Variants in TNPO2 observed in about 807,000 individuals in gnomAD.
TNPO2 encodes the protein transportin 2, also known as transportin-2.
TNPO2 carries 16 observed loss-of-function variants against 111.1 expected under a neutral mutation model. That is an observed-to-expected ratio of 0.14 (90% CI 0.10 to 0.22). The LOEUF is 0.22. Among genes scored for constraint, TNPO2 ranks in the 10% least tolerant of loss-of-function variants. The pLI is 1.00. For synonymous variants in TNPO2, 481 were observed against 475.8 expected (o/e 1.01, Z -0.14); for missense variants, 530 against 1,173.7 (o/e 0.45, Z 8.01).
In TNPO2 at chr19:12,711,902, C is replaced by A. The variant is rs143969751; in HGVS notation, c.891-289G>T. Among the ~76,000 whole-genome samples the A allele has an allele frequency of 3.4e-4, 51 of 151,314 alleles. No homozygotes were observed. The East Asian group carries it at 9.9e-3, about 29-fold the overall frequency. ...TTTTTCTTAAGAAGCAGGGTCTAAC[C>A]CTGTGGGCGGCAAGCCACCCAGGCA... On this transcript the variant is annotated intron_variant, in intron 10 of 25. Transcript: ENST00000425528.
At position 12,715,562 on chromosome 19, in the gene TNPO2, C is replaced by CA; in HGVS notation, c.433-25dup. ...CCCTGAGTGCAGAGGGGCAGAGAGA[C>CA]AAACGTGGGTGGTGGGTGGTGGTCC... On this transcript the variant is annotated intron_variant, in intron 6 of 25. Coordinates refer to ENST00000425528, the MANE Select transcript of TNPO2 (RefSeq NM_001382241.1). This position sits in a 1 kb window ranked among gnomAD's most constrained non-coding sequence, Gnocchi z 7.1. 1 of 1,613,748 alleles carries CA rather than the reference C, an allele frequency of 6.2e-7. No homozygotes were observed. Among genetic ancestry groups the CA allele is most frequent in the Non-Finnish European group, 8.5e-7 (1 of 1,179,684 alleles).
In TNPO2 at chr19:12,710,781, A is replaced by AG. The variant is rs1258380490; in HGVS notation, c.1118-9dup. On this transcript the variant is annotated splice_polypyrimidine_tract_variant and intron_variant, in intron 12 of 25. Transcript: ENST00000425528. ...CAGCCGCTGAGCACTTCCCTGGGGA[A>AG]GGGGGAACAATGGGGAGGCTCAGGG... The AG allele has an allele frequency of 1.2e-6, 2 of 1,604,076 alleles. No homozygotes were observed. The highest frequency in any genetic ancestry group is 3.4e-5 in the Admixed American group (2 of 58,778).
At chr19:12,710,550 G>A (rs575784902) in intron 13 of TNPO2, 71 bp downstream of exon 13, 5 of 1,539,950 alleles carry the variant, frequency 3.2e-6, no homozygotes, top group Non-Finnish European at 4.4e-6. Context: ...TGAGGCATTG[G>A]TGTGGCTAGT....
chr19:12,705,888 G>C lies in TNPO2; in HGVS notation c.1669-120C>G, dbSNP rs556856675. 1.0e-5 allele frequency: 8 copies of C among 779,822 alleles called. No homozygotes were observed. The East Asian group carries it at 1.6e-4, about 16-fold the overall frequency. 48.3% of individuals were successfully genotyped at this position (779,822 alleles called of 1,614,324 possible). Reference sequence around the variant, plus strand: ...ACCGTGGCTCATGGGACCCTGAAAGGCCTGCCATCTGGCCAGACCTCGAGG... The same window carrying C: ...ACCGTGGCTCATGGGACCCTGAAAGCCCTGCCATCTGGCCAGACCTCGAGG... On this transcript the variant is annotated intron_variant, in intron 15 of 25. Coordinates refer to ENST00000425528, the MANE Select transcript of TNPO2 (RefSeq NM_001382241.1). This position sits in a 1 kb window ranked among gnomAD's most constrained non-coding sequence, Gnocchi z 7.2.
At chr19:12,703,672 C>A (rs776473437) in intron 19 of TNPO2, 42 bp downstream of exon 19, 2 of 1,597,932 alleles carry the variant, frequency 1.3e-6, no homozygotes, top group Non-Finnish European at 1.7e-6. Flanking sequence ...CACTTGAGGC[C>A]GGGGCTGGGG....
At chr19:12,717,797 C>T (rs1214430419) in intron 5 of TNPO2, among the ~76,000 whole-genome samples, 2 of 151,964 alleles carry the variant, frequency 1.3e-5, no homozygotes, top group Non-Finnish European at 2.9e-5. Context: ...CTGCCTCAGC[C>T]TCTCGAGTAG....
At chr19:12,718,065 C>A (rs1267939139) in intron 5 of TNPO2, among the ~76,000 whole-genome samples, 1 of 151,620 alleles carries the variant, frequency 6.6e-6, no homozygotes, top group East Asian at 1.9e-4. Flanking sequence ...AGTGTAGTGC[C>A]GCAATCTCGG....
rs750213783 is a variant in TNPO2 at position 12,701,502 on chromosome 19, G to A, written c.2587-49C>T. The stretch of plus-strand genomic sequence containing the variant: ...GGTAGGCAGGGGCAGAACAAGGGGA[G>A]TGCGCCTCTTCCCCCATCCCCAGGC... On this transcript the variant is annotated intron_variant, in intron 24 of 25. Coordinates refer to ENST00000425528, the MANE Select transcript of TNPO2 (RefSeq NM_001382241.1). This position sits in a 1 kb window ranked among gnomAD's most constrained non-coding sequence, Gnocchi z 5.0. 1.3e-5 allele frequency: 20 copies of A among 1,591,488 alleles called. 1 individual carries two copies. In the South Asian group the frequency reaches 2.0e-4, roughly 16 times the overall value.
intron 10 of TNPO2, among the ~76,000 whole-genome samples, chr19:12,714,314 CTTTT>C (rs930361446): frequency 1.5e-5 from 2 of 136,302 alleles, no homozygotes; most frequent in Admixed American, 7.3e-5. Flanking sequence ...TTTTTCATTT[CTTTT>C]TTTTTTTTTT....
At chr19:12,710,199 A>C (rs1437691598) in intron 13 of TNPO2, among the ~76,000 whole-genome samples, 2 of 152,206 alleles carry the variant, frequency 1.3e-5, no homozygotes, top group Non-Finnish European at 2.9e-5. Flanking sequence ...TTTAAGGCCC[A>C]GACACACCCT....
chr19:12,705,379 T>C lies in TNPO2; in HGVS notation c.1883A>G (p.Glu628Gly). ...GTCCTTGTCGGGAGCCTCATACTGC[T>C]CAGGGTGCTGGGTGTACATCTAGAC... ...AQAMMYTQHPEQYEAPDKDFM... is the reference protein window; with the variant it reads ...AQAMMYTQHPGQYEAPDKDFM... Residue 628 changes from glutamate to glycine, a missense_variant, in exon 18 of 26, where the codon GAG (glutamate) becomes GGG (glycine). Glu to Gly is a moderately conservative substitution (Grantham distance 98). Around this residue, in one of 4 missense-constraint regions of TNPO2, gnomAD observed 183 missense variants for 481.0 expected, o/e 0.38. Transcript: ENST00000425528. The surrounding 1 kb of genome is among the most constrained non-coding windows in gnomAD (Gnocchi z 7.2). 1 of 1,586,292 alleles carries C rather than the reference T, an allele frequency of 6.3e-7. No homozygotes were observed.
chr19:12,712,741 T>G (rs2145562825), intron 10 of TNPO2, among the ~76,000 whole-genome samples: 1 of 152,298 alleles, frequency 6.6e-6, no homozygotes, highest in Admixed American at 6.5e-5. Flanking sequence ...ATGCAATAAA[T>G]AACAGCGCAG....
rs764680710 is a variant in TNPO2 at position 12,710,675 on chromosome 19, G to A, written c.1216C>T (p.Pro406Ser). Residue 406 changes from proline (P) to serine (S), a missense_variant, in exon 13 of 26, where the codon CCC becomes TCC. Around this residue, in one of 4 missense-constraint regions of TNPO2, gnomAD observed 88 missense variants for 130.2 expected, o/e 0.68. Coordinates refer to ENST00000425528, the MANE Select transcript of TNPO2 (RefSeq NM_001382241.1). Reference sequence around the variant, plus strand: ...CCCGACTCCTTGACCACCCACTCGGGGTGGAAGAGGAGGCCTTTGAGTAGT... The same window carrying A: ...CCCGACTCCTTGACCACCCACTCGGAGTGGAAGAGGAGGCCTTTGAGTAGT... Reference protein sequence around the residue: ...LPLLKGLLFHPEWVVKESGIL... With the variant: ...LPLLKGLLFHSEWVVKESGIL... 1.9e-6 allele frequency: 3 copies of A among 1,613,628 alleles called. No individual in the cohort carries two copies. Among genetic ancestry groups the A allele is most frequent in the South Asian group, 2.2e-5 (2 of 91,014 alleles).
chr19:12,702,200 G>C lies in TNPO2; in HGVS notation c.2306-23C>G. On this transcript the variant is annotated intron_variant, in intron 21 of 25. Transcript: ENST00000425528. The surrounding 1 kb of genome is among the most constrained non-coding windows in gnomAD (Gnocchi z 5.5). ...GACCTGCAACCCCGAGCGGCCCCGGGACGGTACGTGGCGGGGCCTCTGGCA... is the reference window on the plus strand; with the variant it reads ...GACCTGCAACCCCGAGCGGCCCCGGCACGGTACGTGGCGGGGCCTCTGGCA... The C allele has an allele frequency of 6.2e-7, 1 of 1,600,952 alleles. No individual in the cohort carries two copies. The highest frequency in any genetic ancestry group is 8.5e-7 in the Non-Finnish European group (1 of 1,171,194).
At position 12,720,870 on chromosome 19, in the gene TNPO2, G is replaced by A; in HGVS notation, c.99+9C>T. On this transcript the variant is annotated intron_variant, in intron 3 of 25. Coordinates refer to ENST00000425528, the MANE Select transcript of TNPO2 (RefSeq NM_001382241.1). Reference sequence around the variant, plus strand: ...CGGCTCCCCCAGCCCCGGAAGGAAGGAAGGATACATCCTGCACGATGCGCT... The same window carrying A: ...CGGCTCCCCCAGCCCCGGAAGGAAGAAAGGATACATCCTGCACGATGCGCT... 6.3e-7 allele frequency: 1 copy of A among 1,591,528 alleles called. No homozygotes were observed. Among genetic ancestry groups the A allele is most frequent in the Non-Finnish European group, 8.5e-7 (1 of 1,169,922 alleles).
In TNPO2 at chr19:12,719,153, G is replaced by T. The variant is rs2026529006; in HGVS notation, c.201C>A (p.Gly67=). ...SEDEPTRSLS[G]LILKNNVKAH... The stretch of plus-strand genomic sequence containing the variant: ...CCTTCACGTTGTTCTTGAGGATGAG[G>T]CCACTGAGAGAGCGCGTTGGCTCAT... The change falls in exon 5 of 26, where the codon GGC becomes GGA. Residue 67 remains glycine (G), a synonymous_variant. Transcript: ENST00000425528. The surrounding 1 kb of genome is among the most constrained non-coding windows in gnomAD (Gnocchi z 5.0). The T allele has an allele frequency of 1.2e-6, 2 of 1,613,894 alleles. No individual in the cohort carries two copies. Among genetic ancestry groups the T allele is most frequent in the Non-Finnish European group, 1.7e-6 (2 of 1,179,898 alleles).
chr19:12,708,975 G>A (rs1403004260), intron 13 of TNPO2, among the ~76,000 whole-genome samples: 1 of 151,520 alleles, frequency 6.6e-6, no homozygotes, highest in African/African-American at 2.4e-5. Context: ...GCAGAATGTT[G>A]TTGCAGTGAG....
At position 12,701,363 on chromosome 19, in the gene TNPO2, C is replaced by T. The variant is rs771283244; in HGVS notation, c.2677G>A (p.Ala893Thr). The T allele has an allele frequency of 1.5e-5, 25 of 1,613,742 alleles. No individual in the cohort carries two copies. The highest frequency in any genetic ancestry group is 1.8e-5 in the Non-Finnish European group (21 of 1,179,848). The change falls in exon 25 of 26, where the codon GCT becomes ACT. Residue 893 changes from alanine (A) to threonine (T), a missense_variant. By Grantham distance (58) the Ala-to-Thr change is moderately conservative. Transcript: ENST00000425528. The surrounding 1 kb of genome is among the most constrained non-coding windows in gnomAD (Gnocchi z 5.0). The stretch of plus-strand genomic sequence containing the variant: ...ATGATCACCTAGACCCCATAGAAAG[C>T]CGCCAGCCTCTCCTTGAGCAGCGGC... ...FPPLLKERLA[A>T]FYGV is the part of the protein sequence containing the mutation.
In TNPO2 at chr19:12,703,530, G is replaced by C. The variant is rs757878174; in HGVS notation, c.2111-4C>G. ...CCCAGAATGGGCATGAACTCGGCTG[G>C]TGGGGAGAAACAGGGGTGCTGAGAA... is the stretch of plus-strand genomic sequence containing the variant. On this transcript the variant is annotated splice_polypyrimidine_tract_variant and splice_region_variant and intron_variant, in intron 19 of 25. Transcript: ENST00000425528. 6.2e-7 allele frequency: 1 copy of C among 1,613,842 alleles called. No individual in the cohort carries two copies.
Sources: gnomAD v4.1 joint callset for allele counts (sites outside exome capture counted in the v4.1 genomes callset) on GRCh38, gnomAD v4.1.1 for gene constraint, gnomAD v4.1.1 regional missense constraint, Gnocchi (gnomAD v3.1) non-coding constraint, MANE v1.5 for transcripts, NCBI Gene and HGNC (gene_info 2026-07-23, HGNC 2026-07-21) for gene names.